The following PTK2B variants were observed in gnomAD, a reference collection of about 807,000 sequenced individuals.
The protein encoded by PTK2B is protein tyrosine kinase 2 beta.
PTK2B carries 71 observed loss-of-function variants against 142.9 expected under a neutral mutation model. The observed-to-expected ratio is 0.50, with a 90% CI of 0.41 to 0.61. The LOEUF is 0.61. Ranked by LOEUF, PTK2B falls within the 20% of genes least tolerant of loss-of-function variation. The probability of loss-of-function intolerance (pLI) is 0.00; values close to 1 mark genes in which losing one functional copy is unlikely to be tolerated. For synonymous variants in PTK2B, 519 were observed against 503.4 expected (o/e 1.03, Z -0.42); for missense variants, 1,105 against 1,320.4 (o/e 0.84, Z 2.53).
At chr8:27,335,595 C>CAA (rs900959610) in intron 1 of PTK2B, among the ~76,000 whole-genome samples, 1,086 of 74,282 alleles carry the variant, frequency 0.015, 14 homozygotes, top group African/African-American at 0.042. Flanking sequence ...AACACTGTCT[C>CAA]AAAAAAAAAA....
At chr8:27,384,933 A>G (rs1247784939) in intron 1 of PTK2B, among the ~76,000 whole-genome samples, 1 of 152,170 alleles carries the variant, frequency 6.6e-6, no homozygotes, top group Non-Finnish European at 1.5e-5. Context: ...GGGGGTGTCT[A>G]TGGAATGAGG....
chr8:27,310,546 G>A (rs1802906493), upstream of PTK2B, among the ~76,000 whole-genome samples: 1 of 152,258 alleles, frequency 6.6e-6, no homozygotes, highest in Non-Finnish European at 1.5e-5. Context: ...AGCAAGTGTC[G>A]CTGTCTTGGG....
intron 1 of PTK2B, among the ~76,000 whole-genome samples, chr8:27,388,328 G>A (rs773350117): frequency 6.6e-5 from 10 of 152,258 alleles, no homozygotes. Flanking sequence ...TTGAAGAGGA[G>A]AAGTTGGAGG....
In PTK2B at chr8:27,350,990, A is replaced by T. The variant is rs867290547; in HGVS notation, c.-38+25309A>T. On this transcript the variant is annotated intron_variant, in intron 1 of 30. Coordinates refer to ENST00000346049, the MANE Select transcript of PTK2B (RefSeq NM_173176.3). ...GTCTCCGTCTCAAAAAAAAAAAAAA[A>T]ATATATATATATATATATATATATA... 6.7e-3 allele frequency among the ~76,000 whole-genome samples: 81 copies of T among 12,074 alleles called. 2 individuals carry two copies. The highest frequency in any genetic ancestry group is 0.017 in the African/African-American group (52 of 3,118). 7.9% of individuals were successfully genotyped at this position (12,074 alleles called of 152,430 possible).
At chr8:27,336,379 G>A (rs1269293443) in intron 1 of PTK2B, among the ~76,000 whole-genome samples, 2 of 151,960 alleles carry the variant, frequency 1.3e-5, no homozygotes, top group Admixed American at 6.6e-5. Flanking sequence ...GACAAACTAG[G>A]CCATAAGCCC....
rs750398747 is a variant in PTK2B, at chr8:27,434,146, G to A, written c.1145+14G>A. On this transcript the variant is annotated intron_variant, in intron 12 of 30. Coordinates refer to ENST00000346049, the MANE Select transcript of PTK2B (RefSeq NM_173176.3). ...GATCCCCATGCTGTGAGTACAATGGGGTGCAGAGGACAGGGCCCTGAGCTC... is the reference window on the plus strand; with the variant it reads ...GATCCCCATGCTGTGAGTACAATGGAGTGCAGAGGACAGGGCCCTGAGCTC... 2 of 1,613,428 alleles carry A rather than the reference G, an allele frequency of 1.2e-6. No individual in the cohort carries two copies. The highest frequency in any genetic ancestry group is 1.7e-6 in the Non-Finnish European group (2 of 1,179,352).
At chr8:27,397,894 G>C in intron 2 of PTK2B, 106 bp downstream of exon 2, 2 of 1,322,032 alleles carry the variant, frequency 1.5e-6, no homozygotes, top group Non-Finnish European at 2.1e-6. Context: ...ATCCACCCCT[G>C]GGTGGAAGAG....
chr8:27,406,724 T>A (rs991949780), intron 2 of PTK2B, among the ~76,000 whole-genome samples: 2 of 152,194 alleles, frequency 1.3e-5, no homozygotes, highest in African/African-American at 4.8e-5. Flanking sequence ...CAACAAAGAA[T>A]CCTCCTGCCC....
chr8:27,338,384 G>A (rs1222893580), intron 1 of PTK2B, among the ~76,000 whole-genome samples: 4 of 151,404 alleles, frequency 2.6e-5, no homozygotes, highest in East Asian at 3.9e-4. Context: ...GACTTTGGGG[G>A]AATCGAGGGA....
intron 2 of PTK2B, among the ~76,000 whole-genome samples, chr8:27,419,181 A>C (rs1487191443): frequency 6.6e-6 from 1 of 152,224 alleles, no homozygotes; most frequent in Non-Finnish European, 1.5e-5. Context: ...GCAGTCTATT[A>C]ACCTCCGGTT....
At chr8:27,409,974 G>A (rs377412426) in intron 2 of PTK2B, among the ~76,000 whole-genome samples, 11 of 152,080 alleles carry the variant, frequency 7.2e-5, no homozygotes, top group African/African-American at 2.2e-4. Flanking sequence ...CTCCTGCCTC[G>A]GCCTCCCAAA....
chr8:27,374,099 C>T (rs950139612), intron 1 of PTK2B, among the ~76,000 whole-genome samples: 3 of 152,064 alleles, frequency 2.0e-5, no homozygotes, highest in African/African-American at 2.4e-5. Flanking sequence ...GAAGTGGGAA[C>T]GCTGATACAT....
intron 1 of PTK2B, among the ~76,000 whole-genome samples, chr8:27,343,174 G>A (rs1241975572): frequency 6.6e-6 from 1 of 152,168 alleles, no homozygotes; most frequent in Non-Finnish European, 1.5e-5. Flanking sequence ...TCAGCCTCAG[G>A]AATTTCATTT....
At chr8:27,440,955 C>T (rs1159503606) in intron 21 of PTK2B, among the ~76,000 whole-genome samples, 1 of 152,014 alleles carries the variant, frequency 6.6e-6, no homozygotes, top group Non-Finnish European at 1.5e-5. Context: ...GGGGAGGTCA[C>T]TGGGGAAGAA....
intron 2 of PTK2B, among the ~76,000 whole-genome samples, chr8:27,410,244 A>C (rs948270664): frequency 1.3e-5 from 2 of 152,188 alleles, no homozygotes; most frequent in Non-Finnish European, 2.9e-5. Context: ...TGTTGATGGG[A>C]GCTCCCAAGG....
intron 1 of PTK2B, among the ~76,000 whole-genome samples, chr8:27,393,412 C>G (rs543299453): frequency 6.6e-6 from 1 of 152,194 alleles, no homozygotes; most frequent in Non-Finnish European, 1.5e-5. Context: ...TCTCCTTGAG[C>G]TATGTTGGTG....
upstream of PTK2B, among the ~76,000 whole-genome samples, chr8:27,321,012 G>A (rs1472017934): frequency 4.6e-4 from 6 of 12,924 alleles, no homozygotes; most frequent in African/African-American, 1.2e-3. Flanking sequence ...TTTTTTTTGA[G>A]ACAGGGTGTT....
chr8:27,311,341 C>T (rs1563449648), upstream of PTK2B: 1 of 1,336,118 alleles, frequency 7.5e-7, no homozygotes, highest in Non-Finnish European at 9.9e-7. Context: ...CCAGTCCCTT[C>T]CCCTGGAACG....
At chr8:27,310,960 C>A (rs944402718), upstream of PTK2B, 3 of 1,612,400 alleles carry the variant, frequency 1.9e-6, no homozygotes, top group African/African-American at 4.0e-5. Flanking sequence ...GGTAGCTGGT[C>A]CAGCGCGCGC....
Sources: gnomAD v4.1 joint callset for allele counts (sites outside exome capture counted in the v4.1 genomes callset) on GRCh38, gnomAD v4.1.1 for gene constraint, MANE v1.5 for transcripts, NCBI Gene and HGNC (gene_info 2026-07-23, HGNC 2026-07-21) for gene names.